Variants in PIGU observed in about 807,000 individuals in gnomAD.
The protein encoded by PIGU is GPI-anchor transamidase component PIGU.
Under a neutral mutation model 49.9 loss-of-function variants are expected in PIGU, and 24 were observed. That is an observed-to-expected ratio of 0.48 (90% CI 0.35 to 0.68). The LOEUF (loss-of-function observed/expected upper bound fraction) is 0.68. PIGU is among the 30% of genes least tolerant of loss of function. The pLI is 0.01. For missense variants in PIGU, 490 were observed against 532.6 expected (o/e 0.92, Z 0.79); for synonymous variants, 220 against 205.7 (o/e 1.07, Z -0.59).
chr20:34,590,049 T>C (rs1417337627), intron 7 of PIGU, among the ~76,000 whole-genome samples: 2 of 151,596 alleles, frequency 1.3e-5, no homozygotes, highest in Non-Finnish European at 1.5e-5. Flanking sequence ...CATATGGCTA[T>C]CATTATACAT....
chr20:34,624,345 A>C (rs1169911515), intron 6 of PIGU, among the ~76,000 whole-genome samples: 1 of 152,202 alleles, frequency 6.6e-6, no homozygotes. Flanking sequence ...TAGAATTGTT[A>C]AGTGACTTGC....
chr20:34,582,497 T>A (rs1241990302), intron 9 of PIGU, among the ~76,000 whole-genome samples: 1 of 151,848 alleles, frequency 6.6e-6, no homozygotes, highest in Non-Finnish European at 1.5e-5. Context: ...CTAGGCAACA[T>A]AGTGAAATCT....
intron 1 of PIGU, among the ~76,000 whole-genome samples, chr20:34,669,545 T>G (rs1281551310): frequency 1.3e-5 from 2 of 151,672 alleles, no homozygotes; most frequent in African/African-American, 4.8e-5. Flanking sequence ...CACACACCTG[T>G]AATCCCAGCT....
chr20:34,636,955 G>A (rs991354411), intron 5 of PIGU, among the ~76,000 whole-genome samples: 1 of 152,048 alleles, frequency 6.6e-6, no homozygotes, highest in African/African-American at 2.4e-5. Context: ...GTCCATAAGA[G>A]ATTCATAAAG....
intron 6 of PIGU, among the ~76,000 whole-genome samples, chr20:34,631,182 T>C (rs1433822418): frequency 2.0e-5 from 3 of 151,940 alleles, no homozygotes; most frequent in Non-Finnish European, 2.9e-5. Flanking sequence ...GATAAAAATG[T>C]ATAAAAATGT....
At chr20:34,576,785 T>C (rs1389635472) in intron 10 of PIGU, among the ~76,000 whole-genome samples, 1 of 152,128 alleles carries the variant, frequency 6.6e-6, no homozygotes, top group Non-Finnish European at 1.5e-5. Flanking sequence ...AGAAGCCCAG[T>C]GGACTTTATT....
intron 1 of PIGU, among the ~76,000 whole-genome samples, chr20:34,672,332 G>T (rs1987333754): frequency 6.6e-6 from 1 of 152,158 alleles, no homozygotes; most frequent in African/African-American, 2.4e-5. Context: ...CTGTTGAAAT[G>T]GATATGTTAT....
chr20:34,614,843 G>C (rs1468055312), intron 7 of PIGU, among the ~76,000 whole-genome samples: 1 of 152,180 alleles, frequency 6.6e-6, no homozygotes, highest in Middle Eastern at 3.2e-3. Context: ...AGCTTTAGCA[G>C]TGCTTGTGAT....
chr20:34,630,139 G>A (rs1985650415), intron 6 of PIGU, among the ~76,000 whole-genome samples: 1 of 152,030 alleles, frequency 6.6e-6, no homozygotes, highest in Non-Finnish European at 1.5e-5. Context: ...AGACCACTGA[G>A]AACAACAGGT....
intron 4 of PIGU, among the ~76,000 whole-genome samples, chr20:34,640,426 G>C (rs958216315): frequency 1.3e-5 from 2 of 151,528 alleles, no homozygotes; most frequent in Non-Finnish European, 2.9e-5. Flanking sequence ...AATCCCTATT[G>C]CATCCAGCTA....
intron 6 of PIGU, among the ~76,000 whole-genome samples, chr20:34,631,762 TATATATATATATATATATATA>T (rs1985761402): frequency 1.6e-4 from 1 of 6,070 alleles, no homozygotes; most frequent in Non-Finnish European, 3.1e-4. Flanking sequence ...TATATATATA[TATATATATATATATATATATA>T]TATTTTTTTT....
intron 6 of PIGU, among the ~76,000 whole-genome samples, chr20:34,630,134 A>G (rs1338922687): frequency 6.6e-6 from 1 of 152,154 alleles, no homozygotes; most frequent in African/African-American, 2.4e-5. Flanking sequence ...TATACAGACC[A>G]CTGAGAACAA....
intron 1 of PIGU, among the ~76,000 whole-genome samples, chr20:34,666,622 C>T (rs1262418369): frequency 6.6e-6 from 1 of 150,906 alleles, no homozygotes; most frequent in East Asian, 1.9e-4. Flanking sequence ...CTTAACCTCC[C>T]GGGCTCAAGC....
chr20:34,604,198 TAATA>T (rs947017605), intron 7 of PIGU, among the ~76,000 whole-genome samples: 1 of 152,186 alleles, frequency 6.6e-6, no homozygotes, highest in African/African-American at 2.4e-5. Flanking sequence ...ACATTGTTGC[TAATA>T]TATAAAAAAT....
chr20:34,619,168 G>A (rs1388217192), intron 6 of PIGU, among the ~76,000 whole-genome samples: 1 of 152,198 alleles, frequency 6.6e-6, no homozygotes, highest in Non-Finnish European at 1.5e-5. Flanking sequence ...GGGCTGTCTC[G>A]CCATATTGAC....
At chr20:34,563,146 C>A (rs535418600) in intron 11 of PIGU, among the ~76,000 whole-genome samples, 1 of 152,098 alleles carries the variant, frequency 6.6e-6, no homozygotes, top group Non-Finnish European at 1.5e-5. Context: ...AACGGAAAAA[C>A]GTACACATGG....
intron 6 of PIGU, among the ~76,000 whole-genome samples, chr20:34,629,894 T>C (rs1985637925): frequency 6.6e-6 from 1 of 152,130 alleles, no homozygotes; most frequent in South Asian, 2.1e-4. Flanking sequence ...GGGGAGATTA[T>C]AGCAAAACCA....
intron 6 of PIGU, among the ~76,000 whole-genome samples, chr20:34,625,980 A>G (rs138642087): frequency 0.022 from 3,244 of 149,036 alleles, 92 homozygotes; most frequent in African/African-American, 0.075. Context: ...ATATACACAC[A>G]TACACAATTT....
chr20:34,644,694 G>C (rs1986276170), intron 3 of PIGU, among the ~76,000 whole-genome samples: 1 of 152,076 alleles, frequency 6.6e-6, no homozygotes, highest in Non-Finnish European at 1.5e-5. Context: ...ACATAGACCT[G>C]TCATCCCAAT....
Sources: gnomAD v4.1 joint callset for allele counts (sites outside exome capture counted in the v4.1 genomes callset) on GRCh38, gnomAD v4.1.1 for gene constraint, MANE v1.5 for transcripts, NCBI Gene and HGNC (gene_info 2026-07-23, HGNC 2026-07-21) for gene names.